The following SON variants were observed in gnomAD, a reference collection of about 807,000 sequenced individuals.
The protein encoded by SON is protein SON.
Under a neutral mutation model 173.3 loss-of-function variants are expected in SON, and 4 were observed. That is an observed-to-expected ratio of 0.02 (90% CI 0.01 to 0.05). The LOEUF (loss-of-function observed/expected upper bound fraction) is 0.05, where lower values mean the gene tolerates loss of function less well. SON is among the 10% of genes least tolerant of loss of function. The pLI is 1.00. For synonymous variants in SON, 1,190 were observed against 1,105.9 expected, an observed-to-expected ratio of 1.08 and a Z score of -1.51; for missense variants, 2,626 against 3,055.3, an observed-to-expected ratio of 0.86 and a Z score of 3.31.
intron 9 of SON, among the ~76,000 whole-genome samples, chr21:33,574,505 T>C (rs1351065382): frequency 1.3e-5 from 2 of 152,150 alleles, no homozygotes; most frequent in Non-Finnish European, 2.9e-5. Context: ...TTAGCAAAGG[T>C]TGAAAAATTT....
intron 1 of SON, among the ~76,000 whole-genome samples, chr21:33,544,545 T>C (rs1240034420): frequency 4.6e-5 from 7 of 151,866 alleles, no homozygotes; most frequent in Admixed American, 1.3e-4. Flanking sequence ...TCATTTCATT[T>C]CCCCCCCCAT....
chr21:33,570,908 A>C (rs2086269746), intron 8 of SON, among the ~76,000 whole-genome samples: 1 of 152,220 alleles, frequency 6.6e-6, no homozygotes, highest in African/African-American at 2.4e-5. Context: ...ATGTGTTAAT[A>C]ACTTAAATAA....
intron 2 of SON, among the ~76,000 whole-genome samples, chr21:33,547,355 C>T (rs1043380691): frequency 2.6e-5 from 4 of 152,178 alleles, no homozygotes; most frequent in African/African-American, 9.7e-5. Context: ...ACCCATCCCA[C>T]TTAAACTGCA....
Position 33,559,457 on chromosome 21 carries a change from A to C in SON, c.6468+81A>C. On this transcript the variant is annotated intron_variant, in intron 5 of 11. Coordinates refer to ENST00000356577, the MANE Select transcript of SON (RefSeq NM_138927.4). The surrounding 1 kb of genome is among the most constrained non-coding windows in gnomAD (Gnocchi z 4.1). ...ATAAAACCCAAATCGAATTTAGTTT[A>C]TTAATTTTTGTTTTAAATACTGTGA... 2.7e-6 allele frequency: 4 copies of C among 1,499,614 alleles called. No individual in the cohort carries two copies. The highest frequency in any genetic ancestry group is 3.6e-6 in the Non-Finnish European group (4 of 1,113,578). 92.9% of individuals were successfully genotyped at this position (1,499,614 alleles called of 1,614,324 possible).
chr21:33,551,475 C>A lies in SON; in HGVS notation c.2244C>A (p.Ser748=). 6.2e-7 allele frequency: 1 copy of A among 1,613,748 alleles called. No homozygotes were observed. Among genetic ancestry groups the A allele is most frequent in the Non-Finnish European group, 8.5e-7 (1 of 1,179,786 alleles). ...SNTMDSQMLA[S]NTMDSQMLAS... ...CCATGGACTCCCAGATGCTAGCATC[C>A]AACACCATGGACTCCCAGATGTTAG... is the stretch of plus-strand genomic sequence containing the variant. Residue 748 remains serine (S), a synonymous_variant, in exon 3 of 12, where the codon TCC becomes TCA. Coordinates refer to ENST00000356577, the MANE Select transcript of SON (RefSeq NM_138927.4).
Position 33,552,225 on chromosome 21 carries a change from T to C in SON, c.2994T>C (p.Ser998=). 1.2e-6 allele frequency: 2 copies of C among 1,614,194 alleles called. No homozygotes were observed. The highest frequency in any genetic ancestry group is 1.7e-6 in the Non-Finnish European group (2 of 1,180,032). The change falls in exon 3 of 12, where the codon TCT becomes TCC. Residue 998 remains serine, a synonymous_variant. Coordinates refer to ENST00000356577, the MANE Select transcript of SON (RefSeq NM_138927.4). This position sits in a 1 kb window ranked among gnomAD's most constrained non-coding sequence, Gnocchi z 5.6. ...CCCTGATGTTAGCATCTAGACGTTC[T>C]ATGATGATGTCCTATGCTGCAGAAC... is the stretch of plus-strand genomic sequence containing the variant. ...PRPLMLASRR[S]MMMSYAAERS...
chr21:33,560,275 T>C (rs2086046685), intron 6 of SON: 1 of 1,445,678 alleles, frequency 6.9e-7, no homozygotes, highest in East Asian at 2.4e-5. Context: ...TCTTACTGTT[T>C]CTCTGGGTTG....
intron 1 of SON, among the ~76,000 whole-genome samples, chr21:33,544,329 T>G (rs563422481): frequency 6.6e-6 from 1 of 152,230 alleles, no homozygotes; most frequent in Non-Finnish European, 1.5e-5. Context: ...TAGTAGTGTT[T>G]TGGATGAGAA....
At chr21:33,556,921 T>C (rs948207501) in intron 3 of SON, among the ~76,000 whole-genome samples, 33 of 151,740 alleles carry the variant, frequency 2.2e-4, no homozygotes, top group African/African-American at 8.0e-4. Context: ...TGGACTTAAT[T>C]CCCTGAATGA....
rs756065560 is a variant in SON, at chr21:33,546,423, A to AT, written c.244+51dup. 4.0e-6 allele frequency: 6 copies of AT among 1,514,224 alleles called. No homozygotes were observed. The South Asian group carries it at 6.2e-5, about 16-fold the overall frequency. The allele number at this position is 1,514,224 out of a possible 1,614,324, so 93.8% of individuals were successfully genotyped here. A position where few individuals can be genotyped will look rare whatever the true frequency, so the allele number is the denominator to read the frequency against. ...ACTGTCTCAAAAATTTTCTTTTAAG[A>AT]TTTTTTTGAAATTTGAAGGTTAATG... On this transcript the variant is annotated intron_variant, in intron 2 of 11. Transcript: ENST00000356577.
Position 33,550,027 on chromosome 21 carries a change from A to T in SON, c.796A>T (p.Met266Leu), listed in dbSNP as rs770567978. The stretch of plus-strand genomic sequence containing the variant: ...GAAGTCATCTGAGCCAGTTGTAACA[A>T]TGTCAGTGGAGTATCAGATGAAGTC... ...VLKSSEPVVT[M>L]SVEYQMKSVL... is the part of the protein sequence containing the mutation. The change falls in exon 3 of 12, where the codon ATG becomes TTG. Residue 266 changes from methionine (M) to leucine (L), a missense_variant. Transcript: ENST00000356577. 6.2e-7 allele frequency: 1 copy of T among 1,614,126 alleles called. No homozygotes were observed.
Position 33,552,111 on chromosome 21 carries a change from T to G in SON, c.2880T>G (p.Pro960=). 6.2e-7 allele frequency: 1 copy of G among 1,614,076 alleles called. No individual in the cohort carries two copies. The highest frequency in any genetic ancestry group is 8.5e-7 in the Non-Finnish European group (1 of 1,179,992). ...GCCATGATCCCTACAGACTAACTCC[T>G]GATCCCTATAGGATGTCACCTAGAC... ...RLGHDPYRLT[P]DPYRMSPRPY... The change falls in exon 3 of 12, where the codon CCT becomes CCG. Residue 960 remains proline (P), a synonymous_variant. Coordinates refer to ENST00000356577, the MANE Select transcript of SON (RefSeq NM_138927.4). This position sits in a 1 kb window ranked among gnomAD's most constrained non-coding sequence, Gnocchi z 5.6.
At chr21:33,546,966 T>C (rs1473088346) in intron 2 of SON, 1 of 152,164 alleles carries the variant, frequency 6.6e-6, no homozygotes, top group African/African-American at 2.4e-5. Context: ...CAGTTTCTTT[T>C]TCTTTTCTTT....
In SON at chr21:33,549,582, A is replaced by G. The variant is rs967792084; in HGVS notation, c.351A>G (p.Lys117=). 6.3e-7 allele frequency: 1 copy of G among 1,586,360 alleles called. No individual in the cohort carries two copies. The highest frequency in any genetic ancestry group is 1.4e-5 in the African/African-American group (1 of 72,844). The change falls in exon 3 of 12, where the codon AAA becomes AAG. Residue 117 remains lysine (K), a synonymous_variant. Transcript: ENST00000356577. The part of the protein sequence containing the change: ...KSKKHKKHKN[K]KKKKKKEKEK... The stretch of plus-strand genomic sequence containing the variant: ...AGAAGCATAAAAAGCACAAAAACAA[A>G]AAGAAGAAAAAGAAGAAAGAAAAGG...
rs777782074 is a variant in SON, at chr21:33,543,113, G to A, written c.21G>A (p.Gln7=). ...ACGCCATGGCGACCAACATCGAGCA[G>A]ATTTTTAGGTCTTTCGTGGTCAGTA... The part of the protein sequence containing the change: MATNIE[Q]IFRSFVVSKF... Residue 7 remains glutamine (Q), a synonymous_variant, in exon 1 of 12, where the codon CAG becomes CAA. Transcript: ENST00000356577. The A allele has an allele frequency of 1.2e-6, 2 of 1,614,160 alleles. No homozygotes were observed. The highest frequency in any genetic ancestry group is 2.7e-5 in the African/African-American group (2 of 74,958).
rs1295688733 is a variant in SON, at chr21:33,549,936, A to G, written c.705A>G (p.Glu235=). Residue 235 remains glutamate, a synonymous_variant, in exon 3 of 12, where the codon GAA becomes GAG. Transcript: ENST00000356577. ...AGCAGTCTGTGGCAGTAATGCCAGA[A>G]CCATCCATGACAAAGATTCTGGATT... ...QSEQSVAVMP[E]PSMTKILDSF... 6.2e-7 allele frequency: 1 copy of G among 1,614,196 alleles called. No homozygotes were observed. The highest frequency in any genetic ancestry group is 1.7e-5 in the Admixed American group (1 of 60,034).
At chr21:33,570,723 C>T (rs1346282930) in intron 8 of SON, among the ~76,000 whole-genome samples, 1 of 152,050 alleles carries the variant, frequency 6.6e-6, no homozygotes, top group Non-Finnish European at 1.5e-5. Flanking sequence ...AGTCTTGAAG[C>T]TAAGTACTCA....
Position 33,543,091 on chromosome 21 carries a change from C to G in SON, c.-2C>G. ...AGGAGTTGAGAGAACGGAGCGGACG[C>G]CATGGCGACCAACATCGAGCAGATT... On this transcript the variant is annotated 5_prime_UTR_variant, in exon 1 of 12. Transcript: ENST00000356577. The G allele has an allele frequency of 6.2e-7, 1 of 1,614,152 alleles. No individual in the cohort carries two copies. The highest frequency in any genetic ancestry group is 8.5e-7 in the Non-Finnish European group (1 of 1,179,948).
rs13433428 is a variant in SON at position 33,552,836 on chromosome 21, C to T, written c.3605C>T (p.Ser1202Leu). Residue 1202 changes from serine (S) to leucine (L), a missense_variant, in exon 3 of 12, where the codon TCA becomes TTA. Transcript: ENST00000356577. The surrounding 1 kb of genome is among the most constrained non-coding windows in gnomAD (Gnocchi z 5.6). Reference protein sequence around the residue: ...ENTWPTEVPSSPSEESVSQPE... With the variant: ...ENTWPTEVPSLPSEESVSQPE... ...ACTTGGCCTACAGAGGTGCCATCAT[C>T]ACCATCTGAAGAGTCTGTATCGCAG... is the stretch of plus-strand genomic sequence containing the variant. 1 allele frequency: 1,613,576 copies of T among 1,614,142 alleles called. 806,505 individuals carry two copies. Among genetic ancestry groups the T allele is most frequent in the Middle Eastern group, 1 (6,062 of 6,062 alleles).
Sources: gnomAD v4.1 joint callset for allele counts (sites outside exome capture counted in the v4.1 genomes callset) on GRCh38, gnomAD v4.1.1 for gene constraint, Gnocchi (gnomAD v3.1) non-coding constraint, MANE v1.5 for transcripts, NCBI Gene and HGNC (gene_info 2026-07-23, HGNC 2026-07-21) for gene names.